Variants in WSCD2 observed in about 807,000 individuals in gnomAD.
The protein encoded by WSCD2 is WSC domain sialate O sulfotransferase 2.
Under a neutral mutation model 55.7 loss-of-function variants are expected in WSCD2, and 28 were observed. The ratio of observed to expected loss-of-function variants is 0.50; its 90% confidence interval spans 0.37 to 0.69. WSCD2 has a LOEUF of 0.69. Among genes scored for constraint, WSCD2 ranks in the 30% least tolerant of loss-of-function variants. The probability of loss-of-function intolerance (pLI) is 0.00; values close to 1 mark genes in which losing one functional copy is unlikely to be tolerated. For missense variants in WSCD2, 616 were observed against 762.1 expected (o/e 0.81, Z 2.26); for synonymous variants, 301 against 301.9 (o/e 1.00, Z 0.03).
Position 108,195,824 on chromosome 12 carries a change from G to A in WSCD2, c.-9G>A. 1.9e-6 allele frequency: 3 copies of A among 1,599,586 alleles called. No individual in the cohort carries two copies. In the South Asian group the frequency reaches 3.4e-5, roughly 18 times the overall value. The stretch of plus-strand genomic sequence containing the variant: ...AAGCCCCAGAGAGCCAGTCCGGAAT[G>A]ATCCCACTATGGCCAAGCTCTGGTT... On this transcript the variant is annotated 5_prime_UTR_variant, in exon 2 of 9. The change abolishes an upstream ATG in the 5' untranslated region. Coordinates refer to ENST00000547525, the MANE Select transcript of WSCD2 (RefSeq NM_014653.4).
At chr12:108,133,247 T>G (rs114559665) in intron 1 of WSCD2, among the ~76,000 whole-genome samples, 37 of 152,292 alleles carry the variant, frequency 2.4e-4, no homozygotes, top group African/African-American at 8.9e-4. Context: ...AGCGTACATT[T>G]GAGTGTGTCT....
intron 1 of WSCD2, among the ~76,000 whole-genome samples, chr12:108,194,048 T>C (rs1883563060): frequency 6.6e-6 from 1 of 152,206 alleles, no homozygotes; most frequent in Admixed American, 6.5e-5. Flanking sequence ...GGTGGTAATA[T>C]GAAAAAGCAT....
chr12:108,152,068 A>G (rs1878057266), intron 1 of WSCD2, among the ~76,000 whole-genome samples: 1 of 152,116 alleles, frequency 6.6e-6, no homozygotes, highest in Admixed American at 6.5e-5. Context: ...TGCTCTCACA[A>G]TGAGGGCATT....
At chr12:108,229,929 A>G (rs1001810813) in intron 6 of WSCD2, among the ~76,000 whole-genome samples, 6 of 151,944 alleles carry the variant, frequency 3.9e-5, no homozygotes, top group African/African-American at 1.5e-4. Flanking sequence ...GAACACATAT[A>G]TACTCATTCC....
At position 108,200,992 on chromosome 12, in the gene WSCD2, G is replaced by T. The variant is rs533971932; in HGVS notation, c.382+4778G>T. 3.9e-5 allele frequency among the ~76,000 whole-genome samples: 6 copies of T among 152,330 alleles called. No homozygotes were observed. In the East Asian group the frequency reaches 7.7e-4, roughly 20 times the overall value. On this transcript the variant is annotated intron_variant, in intron 2 of 8. Coordinates refer to ENST00000547525, the MANE Select transcript of WSCD2 (RefSeq NM_014653.4). Reference sequence around the variant, plus strand: ...CCCAGAAGGAGAAAAAGTATTTCTTGTGTCTTCCTTCTGTGCCAGACCCTG... The same window carrying T: ...CCCAGAAGGAGAAAAAGTATTTCTTTTGTCTTCCTTCTGTGCCAGACCCTG...
intron 7 of WSCD2, 133 bp from the exon 8 acceptor site, chr12:108,240,211 G>C: frequency 1.8e-6 from 2 of 1,099,026 alleles, no homozygotes; most frequent in Non-Finnish European, 2.7e-6. Flanking sequence ...GCACATAGTA[G>C]GTGCTCAATA....
Position 108,210,365 on chromosome 12 carries a change from C to G in WSCD2, c.682+60C>G. 6.6e-7 allele frequency: 1 copy of G among 1,507,330 alleles called. No individual in the cohort carries two copies. Among genetic ancestry groups the G allele is most frequent in the Non-Finnish European group, 8.8e-7 (1 of 1,131,746 alleles). 93.4% of individuals were successfully genotyped at this position (1,507,330 alleles called of 1,614,324 possible). On this transcript the variant is annotated intron_variant, in intron 4 of 8. Transcript: ENST00000547525. This position sits in a 1 kb window ranked among gnomAD's most constrained non-coding sequence, Gnocchi z 4.3. ...CTCCCTCAGCTGCAGCCCTTGCCCA[C>G]CAAAGAGTCCCACATGTCTGCCCTG...
rs187536146 is a variant in WSCD2, at chr12:108,218,464, T to A, written c.683-6275T>A. ...TCCTAGGGCTCTGGGCTAGGATGGG[T>A]CCCCTGAAGCTCATCTGGAGATGCA... is the stretch of plus-strand genomic sequence containing the variant. On this transcript the variant is annotated intron_variant, in intron 4 of 8. Coordinates refer to ENST00000547525, the MANE Select transcript of WSCD2 (RefSeq NM_014653.4). Among the ~76,000 whole-genome samples, 12 of 152,160 alleles carry A rather than the reference T, an allele frequency of 7.9e-5. No homozygotes were observed. The East Asian group carries it at 2.1e-3, about 27-fold the overall frequency.
chr12:108,210,395 C>T lies in WSCD2; in HGVS notation c.682+90C>T. On this transcript the variant is annotated intron_variant, in intron 4 of 8. Coordinates refer to ENST00000547525, the MANE Select transcript of WSCD2 (RefSeq NM_014653.4). The surrounding 1 kb of genome is among the most constrained non-coding windows in gnomAD (Gnocchi z 4.3). ...GAGTCCCACATGTCTGCCCTGTACC[C>T]TCCATGGCTCCCCATCACTCCAAGG... 1 of 1,444,666 alleles carries T rather than the reference C, an allele frequency of 6.9e-7. No homozygotes were observed. Among genetic ancestry groups the T allele is most frequent in the Non-Finnish European group, 9.2e-7 (1 of 1,086,972 alleles). The allele number at this position is 1,444,666 out of a possible 1,614,324, so 89.5% of individuals were successfully genotyped here. A position where few individuals can be genotyped will look rare whatever the true frequency, so the allele number is the denominator to read the frequency against.
At chr12:108,211,948 C>T (rs1886248012) in intron 4 of WSCD2, among the ~76,000 whole-genome samples, 1 of 152,034 alleles carries the variant, frequency 6.6e-6, no homozygotes, top group East Asian at 1.9e-4. Flanking sequence ...CAGGCATAAG[C>T]CACCACACCC....
intron 8 of WSCD2, 63 bp downstream of exon 8, chr12:108,240,607 G>C: frequency 1.4e-6 from 2 of 1,465,664 alleles, no homozygotes; most frequent in Admixed American, 1.9e-5. Flanking sequence ...GGCGGTGGGA[G>C]GGTCCCGTGC....
At chr12:108,225,242 G>C (rs1200350684) in intron 5 of WSCD2, among the ~76,000 whole-genome samples, 1 of 152,178 alleles carries the variant, frequency 6.6e-6, no homozygotes, top group African/African-American at 2.4e-5. Context: ...GGAAGGCAAA[G>C]GAAAAGCAAA....
rs530308757 is a variant in WSCD2 at position 108,181,817 on chromosome 12, C to T, written c.-551-13465C>T. Among the ~76,000 whole-genome samples, 652 of 152,306 alleles carry T rather than the reference C, an allele frequency of 4.3e-3. 2 individuals carry two copies. The highest frequency in any genetic ancestry group is 5.1e-3 in the Non-Finnish European group (350 of 68,032). ...CCATAGCTGCCCCTGTTGATACAAA[C>T]GTGCAAATAACAATAACTGTGGTTG... On this transcript the variant is annotated intron_variant, in intron 1 of 8. Transcript: ENST00000547525.
intron 1 of WSCD2, among the ~76,000 whole-genome samples, chr12:108,160,817 G>A (rs538903140): frequency 1.3e-5 from 2 of 152,324 alleles, no homozygotes; most frequent in Middle Eastern, 3.4e-3. Flanking sequence ...CAATAGGAGA[G>A]GGGTGAAATT....
chr12:108,210,701 A>G lies in WSCD2; in HGVS notation c.682+396A>G, dbSNP rs117364071. Among the ~76,000 whole-genome samples, 200 of 152,336 alleles carry G rather than the reference A, an allele frequency of 1.3e-3. 2 individuals are homozygous for G. The highest frequency in any genetic ancestry group is 2.1e-3 in the Non-Finnish European group (144 of 68,036). On this transcript the variant is annotated intron_variant, in intron 4 of 8. Transcript: ENST00000547525. This position sits in a 1 kb window ranked among gnomAD's most constrained non-coding sequence, Gnocchi z 4.3. ...CTTTGTCCTTTTCTCCATGCCTCAT[A>G]TAGAATAGCACATCTAATCTTCACA...
intron 1 of WSCD2, among the ~76,000 whole-genome samples, chr12:108,167,213 A>G (rs774906537): frequency 9.2e-5 from 14 of 152,204 alleles, no homozygotes; most frequent in Admixed American, 3.9e-4. Context: ...GATATGAATG[A>G]TAAGATGAGA....
At chr12:108,147,272 T>C (rs1035126342) in intron 1 of WSCD2, among the ~76,000 whole-genome samples, 1 of 152,058 alleles carries the variant, frequency 6.6e-6, no homozygotes, top group African/African-American at 2.4e-5. Flanking sequence ...GCATCTGACC[T>C]GAGCCACTCA....
At chr12:108,173,128 G>C (rs1304737674) in intron 1 of WSCD2, among the ~76,000 whole-genome samples, 1 of 152,124 alleles carries the variant, frequency 6.6e-6, no homozygotes, top group African/African-American at 2.4e-5. Flanking sequence ...AATGTGTGTT[G>C]TTTAAGCCCT....
intron 6 of WSCD2, among the ~76,000 whole-genome samples, chr12:108,230,873 A>G (rs1888670687): frequency 6.6e-6 from 1 of 152,170 alleles, no homozygotes; most frequent in Non-Finnish European, 1.5e-5. Flanking sequence ...CAAGTGCAAG[A>G]GCCAAGGAGT....
Sources: gnomAD v4.1 joint callset for allele counts (sites outside exome capture counted in the v4.1 genomes callset) on GRCh38, gnomAD v4.1.1 for gene constraint, Gnocchi (gnomAD v3.1) non-coding constraint, MANE v1.5 for transcripts, NCBI Gene and HGNC (gene_info 2026-07-23, HGNC 2026-07-21) for gene names.